The following TRMT11 variants were observed in gnomAD, a reference collection of about 807,000 sequenced individuals.
TRMT11 encodes the protein tRNA methyltransferase 11.
A neutral mutation model predicts 62.8 loss-of-function variants in TRMT11; 53 were observed. That is an observed-to-expected ratio of 0.84 (90% CI 0.68 to 1.06). The LOEUF (loss-of-function observed/expected upper bound fraction) is 1.06, where lower values mean the gene tolerates loss of function less well. Among genes scored for constraint, TRMT11 ranks in the 50% least tolerant of loss-of-function variants. The pLI, the probability that TRMT11 is intolerant of heterozygous loss-of-function variation, is 0.00. For missense variants in TRMT11, 556 were observed against 553.4 expected (o/e 1.00, Z -0.05); for synonymous variants, 188 against 190.3 (o/e 0.99, Z 0.10).
intron 21 of TRMT11, among the ~76,000 whole-genome samples, chr6:126,123,929 T>C (rs2128199817): frequency 6.6e-6 from 1 of 152,156 alleles, no homozygotes; most frequent in East Asian, 1.9e-4. Context: ...AAGCTTTTGA[T>C]TGAATATCTG....
intron 21 of TRMT11, among the ~76,000 whole-genome samples, chr6:126,139,481 G>A (rs1777889791): frequency 6.6e-6 from 1 of 152,020 alleles, no homozygotes; most frequent in Admixed American, 6.6e-5. Flanking sequence ...CAATTCTCCT[G>A]CCTCAGCCTC....
chr6:126,144,661 C>T (rs539342373), intron 21 of TRMT11, among the ~76,000 whole-genome samples: 154 of 152,288 alleles, frequency 1.0e-3, no homozygotes, highest in African/African-American at 3.7e-3. Context: ...ATGTCTACAT[C>T]CCTTCACTCT....
chr6:126,067,583 GTGA>G (rs2128135254), intron 17 of TRMT11, among the ~76,000 whole-genome samples: 1 of 152,286 alleles, frequency 6.6e-6, no homozygotes, highest in South Asian at 2.1e-4. Flanking sequence ...ATCCATTCTA[GTGA>G]TGATGGACAT....
chr6:126,109,775 G>A (rs1328596787), intron 17 of TRMT11, among the ~76,000 whole-genome samples: 17 of 152,174 alleles, frequency 1.1e-4, no homozygotes, highest in African/African-American at 4.1e-4. Flanking sequence ...TTGAACAAAT[G>A]TCATCTATTA....
intron 21 of TRMT11, among the ~76,000 whole-genome samples, chr6:126,116,923 T>C (rs77611585): frequency 6.6e-6 from 1 of 152,104 alleles, no homozygotes; most frequent in Non-Finnish European, 1.5e-5. Context: ...TTTTTGGAGA[T>C]ATTTTGTGTT....
At chr6:126,017,994 A>G (rs1795233576) in intron 11 of TRMT11, among the ~76,000 whole-genome samples, 1 of 152,222 alleles carries the variant, frequency 6.6e-6, no homozygotes, top group African/African-American at 2.4e-5. Context: ...GTACACAGAT[A>G]ACTCTTGAAG....
chr6:126,242,934 G>A, the TRMT11 span, among the ~76,000 whole-genome samples: 1 of 152,258 alleles, frequency 6.6e-6, no homozygotes, highest in East Asian at 1.9e-4. Flanking sequence ...ATTGACAAAT[G>A]GGATCTAACT....
At chr6:126,090,313 A>G (rs1777260241) in intron 17 of TRMT11, among the ~76,000 whole-genome samples, 1 of 152,200 alleles carries the variant, frequency 6.6e-6, no homozygotes, top group African/African-American at 2.4e-5. Flanking sequence ...GTATACGTTC[A>G]ATAGACAGTT....
At chr6:126,164,633 A>G (rs535944347) in intron 21 of TRMT11, among the ~76,000 whole-genome samples, 2 of 152,304 alleles carry the variant, frequency 1.3e-5, no homozygotes, top group South Asian at 4.1e-4. Context: ...GTCTCTAAGA[A>G]CTTGCTTTAT....
intron 21 of TRMT11, among the ~76,000 whole-genome samples, chr6:126,122,796 A>T (rs1777665537): frequency 6.6e-6 from 1 of 152,138 alleles, no homozygotes; most frequent in Non-Finnish European, 1.5e-5. Context: ...CATTAGATAA[A>T]TTTATATGCC....
chr6:126,238,893 C>T, the TRMT11 span, among the ~76,000 whole-genome samples: 1 of 152,096 alleles, frequency 6.6e-6, no homozygotes, highest in South Asian at 2.1e-4. Flanking sequence ...TCTGGGTGCT[C>T]CTGTATTGGG....
intron 21 of TRMT11, among the ~76,000 whole-genome samples, chr6:126,169,540 C>A (rs1177748545): frequency 6.6e-6 from 1 of 152,152 alleles, no homozygotes; most frequent in African/African-American, 2.4e-5. Flanking sequence ...GTTTTGACTG[C>A]CTGGATCAGT....
chr6:126,228,187 T>C, the TRMT11 span, among the ~76,000 whole-genome samples: 2 of 152,194 alleles, frequency 1.3e-5, no homozygotes, highest in Non-Finnish European at 2.9e-5. Context: ...AAACAATGTA[T>C]GTGTCTGCTG....
At chr6:126,073,819 A>T (rs1049652093) in intron 17 of TRMT11, among the ~76,000 whole-genome samples, 1 of 152,124 alleles carries the variant, frequency 6.6e-6, no homozygotes, top group Admixed American at 6.6e-5. Context: ...TTTATAAAGG[A>T]AATATGTTTA....
At position 125,998,282 on chromosome 6, in the gene TRMT11, A is replaced by T. The variant is rs1265910189; in HGVS notation, c.354A>T (p.Thr118=). 6.2e-7 allele frequency: 1 copy of T among 1,601,868 alleles called. No homozygotes were observed. The highest frequency in any genetic ancestry group is 1.7e-5 in the Admixed American group (1 of 59,694). The stretch of plus-strand genomic sequence containing the variant: ...TAAAGATTCACACTTTTAATAAGAC[A>T]TTGACACAAGAAGAGAAAATCAAGC... The part of the protein sequence containing the change: ...YKIKIHTFNK[T]LTQEEKIKRI... Residue 118 remains threonine (T), a synonymous_variant, in exon 5 of 13, where the codon ACA becomes ACT. Transcript: ENST00000334379.
In TRMT11 at chr6:125,998,149, G is replaced by A. The variant is rs563105722; in HGVS notation, c.294+15G>A. 5.0e-6 allele frequency: 8 copies of A among 1,611,080 alleles called. No homozygotes were observed. Among genetic ancestry groups the A allele is most frequent in the East Asian group, 2.2e-5 (1 of 44,836 alleles). On this transcript the variant is annotated intron_variant, in intron 4 of 12. Transcript: ENST00000334379. ...TGGAGAAGATGGTGCGTAGTAAAAT[G>A]TGGTTTTATATAGGCATGCGTGCAG...
chr6:126,198,510 G>A (rs1778697499), intron 1 of TRMT11, among the ~76,000 whole-genome samples: 1 of 152,044 alleles, frequency 6.6e-6, no homozygotes, highest in South Asian at 2.1e-4. Flanking sequence ...CCTAATTCCA[G>A]AAACACAAAG....
chr6:126,238,012 G>C, the TRMT11 span, among the ~76,000 whole-genome samples: 3 of 152,290 alleles, frequency 2.0e-5, no homozygotes, highest in Non-Finnish European at 4.4e-5. Context: ...GGTGTGTGTA[G>C]TATTCTCTGA....
At chr6:126,151,784 C>CTTT in intron 21 of TRMT11, among the ~76,000 whole-genome samples, 1 of 138,366 alleles carries the variant, frequency 7.2e-6, no homozygotes, top group African/African-American at 2.8e-5. Flanking sequence ...TCACCCTTTT[C>CTTT]CTTCCTTCCT....
Sources: gnomAD v4.1 joint callset for allele counts (sites outside exome capture counted in the v4.1 genomes callset) on GRCh38, gnomAD v4.1.1 for gene constraint, MANE v1.5 for transcripts, NCBI Gene and HGNC (gene_info 2026-07-23, HGNC 2026-07-21) for gene names.